The following ST8SIA1 variants were observed in gnomAD, a reference collection of about 807,000 sequenced individuals.
ST8SIA1 encodes the protein ST8 alpha-N-acetyl-neuraminide alpha-2,8-sialyltransferase 1.
ST8SIA1 carries 16 observed loss-of-function variants against 35.9 expected under a neutral mutation model. The observed-to-expected ratio is 0.45, with a 90% CI of 0.30 to 0.68. The LOEUF is 0.68. Ranked by LOEUF, ST8SIA1 falls within the 30% of genes least tolerant of loss-of-function variation. The pLI is 0.09. For missense variants in ST8SIA1, 383 were observed against 453.6 expected (o/e 0.84, Z 1.41); for synonymous variants, 170 against 169.6 (o/e 1.00, Z -0.02).
At position 22,230,495 on chromosome 12, in the gene ST8SIA1, T is replaced by C. The variant is rs78098860; in HGVS notation, c.584+18511A>G. 1.6e-3 allele frequency among the ~76,000 whole-genome samples: 237 copies of C among 152,244 alleles called. 6 individuals are homozygous for C. The East Asian group carries it at 0.04, about 26-fold the overall frequency. The stretch of plus-strand genomic sequence containing the variant: ...GAATGATGTAAAGAACATGAAGGAT[T>C]CCTTTCCAATCCCCCGTCTAAAATC... On this transcript the variant is annotated intron_variant, in intron 4 of 4. Coordinates refer to ENST00000396037, the MANE Select transcript of ST8SIA1 (RefSeq NM_003034.4).
At position 22,334,595 on chromosome 12, in the gene ST8SIA1, G is replaced by C. The variant is rs1476771742; in HGVS notation, c.-363C>G. 3.2e-6 allele frequency: 1 copy of C among 314,454 alleles called. No homozygotes were observed. Among genetic ancestry groups the C allele is most frequent in the African/African-American group, 2.2e-5 (1 of 46,174 alleles). The allele number at this position is 314,454 out of a possible 1,614,324, so 19.5% of individuals were successfully genotyped here. On this transcript the variant is annotated 5_prime_UTR_variant, in exon 1 of 5. Transcript: ENST00000396037. ...TCACGGTCGCCCTCGGCGAGGGTCC[G>C]GGAGAAGGCTCGGCTCCCTCCTAAA... is the stretch of plus-strand genomic sequence containing the variant.
Position 22,201,337 on chromosome 12 carries a change from C to T in ST8SIA1, c.*215G>A. ...CAGCATTTTACTAGTTGCAAATCTG[C>T]CATGTGCTATAAAGTATTTCATAGG... On this transcript the variant is annotated 3_prime_UTR_variant, in exon 5 of 5. Coordinates refer to ENST00000396037, the MANE Select transcript of ST8SIA1 (RefSeq NM_003034.4). 1 of 532,902 alleles carries T rather than the reference C, an allele frequency of 1.9e-6. No homozygotes were observed. Among genetic ancestry groups the T allele is most frequent in the Non-Finnish European group, 3.1e-6 (1 of 321,076 alleles). The allele number at this position is 532,902 out of a possible 1,614,324, so 33.0% of individuals were successfully genotyped here.
intron 4 of ST8SIA1, among the ~76,000 whole-genome samples, chr12:22,228,985 C>T (rs1424808908): frequency 2.9e-5 from 4 of 140,218 alleles, no homozygotes; most frequent in Non-Finnish European, 4.5e-5. Flanking sequence ...AGCCGGGAGG[C>T]GGAGGTCGCA....
At chr12:22,259,718 G>A (rs1306356392) in intron 2 of ST8SIA1, among the ~76,000 whole-genome samples, 3 of 151,950 alleles carry the variant, frequency 2.0e-5, no homozygotes, top group African/African-American at 4.8e-5. Flanking sequence ...CGCCTGCCTC[G>A]GCCTCCCAAA....
chr12:22,286,004 G>A (rs1414209676), intron 2 of ST8SIA1, among the ~76,000 whole-genome samples: 2 of 151,794 alleles, frequency 1.3e-5, no homozygotes, highest in African/African-American at 2.4e-5. Context: ...AATCTCAGAC[G>A]ACTTAGGTAA....
chr12:22,301,836 C>A (rs1012728587), intron 1 of ST8SIA1, among the ~76,000 whole-genome samples: 3 of 152,098 alleles, frequency 2.0e-5, no homozygotes, highest in African/African-American at 7.2e-5. Context: ...TACCTTGGAA[C>A]CTCAAGAAGA....
intron 4 of ST8SIA1, among the ~76,000 whole-genome samples, chr12:22,237,694 A>G (rs1405372197): frequency 6.6e-6 from 1 of 151,748 alleles, no homozygotes; most frequent in Non-Finnish European, 1.5e-5. Flanking sequence ...TGGAGATACC[A>G]TTTTATTCTC....
chr12:22,207,502 G>A (rs930902985), intron 4 of ST8SIA1, among the ~76,000 whole-genome samples: 21 of 152,140 alleles, frequency 1.4e-4, no homozygotes, highest in African/African-American at 4.1e-4. Flanking sequence ...AAGTTGAAAG[G>A]TATAGATTTC....
chr12:22,230,132 G>A (rs1028463112), intron 4 of ST8SIA1, among the ~76,000 whole-genome samples: 1 of 152,092 alleles, frequency 6.6e-6, no homozygotes, highest in Non-Finnish European at 1.5e-5. Flanking sequence ...ACAAAATAAT[G>A]CTCTTACACA....
rs1865019591 is a variant in ST8SIA1, at chr12:22,198,915, C to G, written c.*2637G>C. 6.6e-6 allele frequency: 1 copy of G among 152,080 alleles called. No individual in the cohort carries two copies. Among genetic ancestry groups the G allele is most frequent in the Admixed American group, 6.6e-5 (1 of 15,256 alleles). 9.4% of individuals were successfully genotyped at this position (152,080 alleles called of 1,614,324 possible). On this transcript the variant is annotated 3_prime_UTR_variant, in exon 5 of 5. Coordinates refer to ENST00000396037, the MANE Select transcript of ST8SIA1 (RefSeq NM_003034.4). ...CTTGAGTCATGAAAATAAAAAATGT[C>G]TCTGGTCTCCAGACATTGCCAAATG...
At chr12:22,244,497 G>A (rs113049984) in intron 4 of ST8SIA1, among the ~76,000 whole-genome samples, 11 of 151,834 alleles carry the variant, frequency 7.2e-5, no homozygotes, top group African/African-American at 1.2e-4. Context: ...TGTCTCACTC[G>A]ACAGACTTCG....
intron 3 of ST8SIA1, among the ~76,000 whole-genome samples, chr12:22,250,075 C>T (rs1403178495): frequency 6.6e-6 from 1 of 152,106 alleles, no homozygotes; most frequent in Non-Finnish European, 1.5e-5. Flanking sequence ...GGTGATGTTT[C>T]CCTGGTGATG....
intron 2 of ST8SIA1, among the ~76,000 whole-genome samples, chr12:22,260,863 A>G (rs1865781754): frequency 6.9e-6 from 1 of 144,856 alleles, no homozygotes; most frequent in Non-Finnish European, 1.5e-5. Flanking sequence ...TCAAAGATTT[A>G]TATAGTTGTT....
At chr12:22,259,474 CT>C (rs11367158) in intron 2 of ST8SIA1, among the ~76,000 whole-genome samples, 77,633 of 147,040 alleles carry the variant, frequency 0.53, 20,506 homozygotes, top group Middle Eastern at 0.74. Flanking sequence ...ATTTTTTTTT[CT>C]TTTTTTTTTT....
Position 22,265,138 on chromosome 12 carries a change from T to C in ST8SIA1, c.382-9749A>G, listed in dbSNP as rs150772549. Among the ~76,000 whole-genome samples, 683 of 152,372 alleles carry C rather than the reference T, an allele frequency of 4.5e-3. 6 individuals carry two copies. Among genetic ancestry groups the C allele is most frequent in the African/African-American group, 0.016 (661 of 41,582 alleles). ...TGAAATTTTTTACTGATGTTGTTTC[T>C]GAACCATAAGGTGACAAAGACTGTG... On this transcript the variant is annotated intron_variant, in intron 2 of 4. Transcript: ENST00000396037.
intron 4 of ST8SIA1, among the ~76,000 whole-genome samples, chr12:22,228,626 A>G (rs984551886): frequency 2.0e-5 from 3 of 152,212 alleles, no homozygotes; most frequent in Admixed American, 2.0e-4. Context: ...CAATACAAAG[A>G]AAGACTCTCT....
chr12:22,277,658 C>T (rs781454806), intron 2 of ST8SIA1, among the ~76,000 whole-genome samples: 31 of 152,010 alleles, frequency 2.0e-4, no homozygotes, highest in East Asian at 1.9e-4. Context: ...TGAGCCACCG[C>T]GCCTGTCTGT....
chr12:22,267,033 A>G (rs1379847395), intron 2 of ST8SIA1, among the ~76,000 whole-genome samples: 2 of 152,316 alleles, frequency 1.3e-5, no homozygotes, highest in Non-Finnish European at 2.9e-5. Flanking sequence ...GAAATGAAGA[A>G]CTACAAATAC....
At chr12:22,327,079 T>G (rs969265531) in intron 1 of ST8SIA1, among the ~76,000 whole-genome samples, 1 of 152,212 alleles carries the variant, frequency 6.6e-6, no homozygotes, top group African/African-American at 2.4e-5. Context: ...CACTCGAGTA[T>G]TGATTATACA....
Sources: gnomAD v4.1 joint callset for allele counts (sites outside exome capture counted in the v4.1 genomes callset) on GRCh38, gnomAD v4.1.1 for gene constraint, MANE v1.5 for transcripts, NCBI Gene and HGNC (gene_info 2026-07-23, HGNC 2026-07-21) for gene names.